ZNF618: variants seen among roughly 807,000 people sequenced by gnomAD.
The protein encoded by ZNF618 is zinc finger protein 618.
Under a neutral mutation model 103.0 loss-of-function variants are expected in ZNF618, and 34 were observed. The observed-to-expected ratio is 0.33, with a 90% CI of 0.25 to 0.44. The LOEUF is 0.44. ZNF618 is among the 20% of genes least tolerant of loss of function. The pLI, the probability that ZNF618 is intolerant of heterozygous loss-of-function variation, is 1.00. For synonymous variants in ZNF618, 551 were observed against 542.2 expected, an observed-to-expected ratio of 1.02 and a Z score of -0.23; for missense variants, 1,059 against 1,295.4, an observed-to-expected ratio of 0.82 and a Z score of 2.80.
At chr9:113,923,329 T>C (rs937933820) in intron 1 of ZNF618, among the ~76,000 whole-genome samples, 1 of 152,194 alleles carries the variant, frequency 6.6e-6, no homozygotes, top group African/African-American at 2.4e-5. Flanking sequence ...CACTATGACA[T>C]TGAATAGGAA....
At chr9:113,907,236 G>A (rs1831067377) in intron 1 of ZNF618, among the ~76,000 whole-genome samples, 1 of 152,204 alleles carries the variant, frequency 6.6e-6, no homozygotes, top group Non-Finnish European at 1.5e-5. Flanking sequence ...CTTAGGTTGT[G>A]GGGACCTGAA....
chr9:113,888,785 G>C (rs990493114), intron 1 of ZNF618, among the ~76,000 whole-genome samples: 4 of 152,222 alleles, frequency 2.6e-5, no homozygotes, highest in African/African-American at 9.6e-5. Flanking sequence ...CTTGGACTAG[G>C]TTGTCTCAGA....
chr9:113,946,345 A>G (rs965703529), intron 1 of ZNF618, among the ~76,000 whole-genome samples: 1 of 151,798 alleles, frequency 6.6e-6, no homozygotes, highest in Non-Finnish European at 1.5e-5. Context: ...CAAGTTAATT[A>G]AATTTATGGA....
Position 114,051,148 on chromosome 9 carries a change from T to G in ZNF618, c.*981T>G, listed in dbSNP as rs1846109176. On this transcript the variant is annotated 3_prime_UTR_variant, in exon 15 of 15. Transcript: ENST00000374126. ...AGACTCTGCTAGGAGGCACTGAATG[T>G]CTATAACTTATGTTTTGGAGTTTTG... 1 of 152,652 alleles carries G rather than the reference T, an allele frequency of 6.6e-6. No individual in the cohort carries two copies. Among genetic ancestry groups the G allele is most frequent in the African/African-American group, 2.4e-5 (1 of 41,456 alleles). 9.5% of individuals were successfully genotyped at this position (152,652 alleles called of 1,614,324 possible). A position where few individuals can be genotyped will look rare whatever the true frequency, so the allele number is the denominator to read the frequency against.
intron 1 of ZNF618, among the ~76,000 whole-genome samples, chr9:113,936,673 A>C (rs1210586361): frequency 3.9e-5 from 6 of 152,218 alleles, no homozygotes; most frequent in Admixed American, 3.9e-4. Flanking sequence ...GATAACATGT[A>C]AAGTGCTTGG....
intron 1 of ZNF618, among the ~76,000 whole-genome samples, chr9:113,947,801 C>T (rs746160775): frequency 1.3e-5 from 2 of 152,170 alleles, no homozygotes; most frequent in Non-Finnish European, 2.9e-5. Context: ...ACAAGTGCCG[C>T]AGCTCTATTG....
chr9:113,973,261 C>A (rs1487218399), intron 2 of ZNF618, among the ~76,000 whole-genome samples: 2 of 152,180 alleles, frequency 1.3e-5, no homozygotes, highest in Non-Finnish European at 2.9e-5. Context: ...TTAGACGGCT[C>A]TGAGCAGAAT....
intron 12 of ZNF618, 30 bp from the exon 13 acceptor site, chr9:114,036,270 C>A: frequency 6.4e-7 from 1 of 1,554,742 alleles, no homozygotes; most frequent in East Asian, 2.4e-5. Flanking sequence ...GGTTCCACCC[C>A]TCACGTGGCT....
At chr9:113,927,116 A>G (rs911278067) in intron 1 of ZNF618, among the ~76,000 whole-genome samples, 1 of 152,162 alleles carries the variant, frequency 6.6e-6, no homozygotes, top group Non-Finnish European at 1.5e-5. Flanking sequence ...GCCTTTTAAC[A>G]TGCCTTATAA....
At chr9:113,926,996 G>A (rs970229173) in intron 1 of ZNF618, among the ~76,000 whole-genome samples, 2 of 152,206 alleles carry the variant, frequency 1.3e-5, no homozygotes, top group African/African-American at 4.8e-5. Context: ...CTGGGCAACA[G>A]AATGAGACCC....
chr9:113,969,068 C>T (rs371569706), intron 1 of ZNF618, 49 bp from the exon 2 acceptor site: 199 of 1,610,924 alleles, frequency 1.2e-4, no homozygotes, highest in Non-Finnish European at 1.5e-4. Flanking sequence ...CAGGTCAAAT[C>T]TGCATCTTCT....
intron 1 of ZNF618, 102 bp downstream of exon 1, chr9:113,876,515 G>A: frequency 1.0e-6 from 1 of 960,372 alleles, no homozygotes; most frequent in Non-Finnish European, 1.3e-6. Flanking sequence ...AATGCAAAGT[G>A]CCTGGGCACG....
intron 1 of ZNF618, among the ~76,000 whole-genome samples, chr9:113,965,913 C>CCT (rs1483512592): frequency 6.6e-6 from 1 of 152,134 alleles, no homozygotes; most frequent in African/African-American, 2.4e-5. Context: ...TTGGAGAAGG[C>CCT]CTTCGGGCTG....
At chr9:113,982,702 T>C (rs1218803405) in intron 2 of ZNF618, among the ~76,000 whole-genome samples, 2 of 152,168 alleles carry the variant, frequency 1.3e-5, no homozygotes, top group Non-Finnish European at 2.9e-5. Context: ...CTGTGTGTAT[T>C]GAAGATGGGG....
At chr9:113,950,043 A>G (rs919805351) in intron 1 of ZNF618, among the ~76,000 whole-genome samples, 4 of 152,176 alleles carry the variant, frequency 2.6e-5, no homozygotes, top group African/African-American at 4.8e-5. Context: ...CAAACAGGCA[A>G]TTAGACTAAC....
intron 9 of ZNF618, among the ~76,000 whole-genome samples, chr9:114,009,760 A>G (rs1842071524): frequency 6.6e-6 from 1 of 152,130 alleles, no homozygotes; most frequent in Middle Eastern, 3.2e-3. Flanking sequence ...TGAAACACTA[A>G]GTTGGATACG....
chr9:114,016,081 G>A, intron 9 of ZNF618: 1 of 1,533,510 alleles, frequency 6.5e-7, no homozygotes. Flanking sequence ...TTCTGTATTT[G>A]TATTTATCAG....
rs1326456093 is a variant in ZNF618 at position 114,055,744 on chromosome 9, A to G, written c.*5577A>G. ...AAATACAAAAAAAATTTACAAAAAA[A>G]CAAACACAAAAAAAATATCTTTTTT... On this transcript the variant is annotated 3_prime_UTR_variant, in exon 15 of 15. Coordinates refer to ENST00000374126, the MANE Select transcript of ZNF618 (RefSeq NM_001318042.2). The G allele has an allele frequency of 2.0e-5, 3 of 152,386 alleles. No individual in the cohort carries two copies. 9.4% of individuals were successfully genotyped at this position (152,386 alleles called of 1,614,324 possible).
chr9:113,951,597 G>GTATA (rs1247978152), intron 1 of ZNF618, among the ~76,000 whole-genome samples: 9 of 51,926 alleles, frequency 1.7e-4, no homozygotes, highest in Non-Finnish European at 4.3e-5. Flanking sequence ...GTGTGTGTGT[G>GTATA]TATATATATG....
Sources: gnomAD v4.1 joint callset for allele counts (sites outside exome capture counted in the v4.1 genomes callset) on GRCh38, gnomAD v4.1.1 for gene constraint, MANE v1.5 for transcripts, NCBI Gene and HGNC (gene_info 2026-07-23, HGNC 2026-07-21) for gene names.